RBM33: variants seen among roughly 807,000 people sequenced by gnomAD.
RBM33 encodes RNA-binding protein 33.
In RBM33, 28 loss-of-function variants were observed where a neutral mutation model predicts 132.6. That is an observed-to-expected ratio of 0.21 (90% CI 0.16 to 0.29). RBM33 has a LOEUF of 0.29. Ranked by LOEUF, RBM33 falls within the 10% of genes least tolerant of loss-of-function variation. RBM33 has a pLI of 1.00. For synonymous variants in RBM33, 634 were observed against 593.0 expected (o/e 1.07, Z -1.01); for missense variants, 1,291 against 1,518.5 (o/e 0.85, Z 2.49).
intron 14 of RBM33, 24 bp from the exon 15 acceptor site, chr7:155,763,788 G>A (rs1454155008): frequency 1.3e-5 from 21 of 1,593,474 alleles, no homozygotes; most frequent in Admixed American, 8.8e-5. Context: ...ACTGAACAAC[G>A]TGCTGCCTTC....
chr7:155,763,821 A>G lies in RBM33; in HGVS notation c.2989A>G (p.Ser997Gly), dbSNP rs1369967971. The change falls in exon 15 of 18, where the codon AGC becomes GGC. Residue 997 changes from serine (S) to glycine (G), a missense_variant. Transcript: ENST00000401878. ...TTCTTGGTTTCAGCAGGGAGGAGAG[A>G]GCGATGGCTTTTTTCACCCAGAAGG... The part of the protein sequence containing the change: ...VIKLSGGGGE[S>G]DGFFHPEGQP... 2.5e-6 allele frequency: 4 copies of G among 1,610,172 alleles called. No individual in the cohort carries two copies. The African/African-American group carries it at 5.3e-5, about 22-fold the overall frequency.
At chr7:155,676,767 A>G (rs1799195374) in intron 3 of RBM33, among the ~76,000 whole-genome samples, 1 of 152,192 alleles carries the variant, frequency 6.6e-6, no homozygotes, top group African/African-American at 2.4e-5. Flanking sequence ...TCAAGGATGT[A>G]GCCTAGCTCT....
chr7:155,699,501 C>T (rs1189258977), intron 5 of RBM33, among the ~76,000 whole-genome samples: 1 of 152,172 alleles, frequency 6.6e-6, no homozygotes, highest in Non-Finnish European at 1.5e-5. Flanking sequence ...ATTCTGATTT[C>T]AAACACTCAG....
At position 155,741,857 on chromosome 7, in the gene RBM33, G is replaced by A. The variant is rs1480660466; in HGVS notation, c.2088G>A (p.Gln696=). 6.2e-7 allele frequency: 1 copy of A among 1,613,464 alleles called. No individual in the cohort carries two copies. The highest frequency in any genetic ancestry group is 8.5e-7 in the Non-Finnish European group (1 of 1,179,510). The change falls in exon 13 of 18, where the codon CAG becomes CAA. Residue 696 remains glutamine, a synonymous_variant. Coordinates refer to ENST00000401878, the MANE Select transcript of RBM33 (RefSeq NM_053043.3). Reference sequence around the variant, plus strand: ...AGAATGTAAGCAAGCGGCCCATGCAGCAAATGCAGCCCACTGCGCCAAGGA... The same window carrying A: ...AGAATGTAAGCAAGCGGCCCATGCAACAAATGCAGCCCACTGCGCCAAGGA... The part of the protein sequence containing the change: ...TSQNVSKRPM[Q]QMQPTAPRNS...
intron 9 of RBM33, among the ~76,000 whole-genome samples, chr7:155,730,388 C>T (rs999331892): frequency 3.9e-5 from 6 of 152,200 alleles, no homozygotes; most frequent in South Asian, 2.1e-4. Flanking sequence ...AGCTATATAT[C>T]GTATTTACAG....
rs1416227541 is a variant in RBM33 at position 155,661,126 on chromosome 7, G to GTATATA, written c.44-4048_44-4047insATATAT. On this transcript the variant is annotated intron_variant, in intron 1 of 17. Coordinates refer to ENST00000401878, the MANE Select transcript of RBM33 (RefSeq NM_053043.3). The stretch of plus-strand genomic sequence containing the variant: ...TGTGTGTGTGTGTGTGTGTGTGTGT[G>GTATATA]TGTGTATATATATATATATATTTTT... Among the ~76,000 whole-genome samples, 64 of 59,012 alleles carry GTATATA rather than the reference G, an allele frequency of 1.1e-3. 1 individual carries two copies. The highest frequency in any genetic ancestry group is 3.0e-3 in the African/African-American group (50 of 16,612). 38.7% of individuals were successfully genotyped at this position (59,012 alleles called of 152,430 possible).
intron 2 of RBM33, among the ~76,000 whole-genome samples, chr7:155,668,270 A>G (rs1585413816): frequency 2.0e-5 from 3 of 152,214 alleles, no homozygotes; most frequent in East Asian, 3.8e-4. Context: ...TTGGGCGCAC[A>G]TGGTCATTGA....
chr7:155,723,885 A>G (rs76768707), intron 9 of RBM33, among the ~76,000 whole-genome samples: 4,857 of 152,270 alleles, frequency 0.032, 242 homozygotes, highest in African/African-American at 0.11. Context: ...GCAATCTCCT[A>G]TGCATACCAA....
chr7:155,699,098 G>A (rs1423337994), intron 5 of RBM33, among the ~76,000 whole-genome samples: 2 of 152,120 alleles, frequency 1.3e-5, no homozygotes, highest in African/African-American at 2.4e-5. Context: ...ATTAATTTCC[G>A]TGCTGTCTTG....
At chr7:155,748,301 A>C (rs1801583777) in intron 14 of RBM33, among the ~76,000 whole-genome samples, 2 of 152,218 alleles carry the variant, frequency 1.3e-5, no homozygotes, top group African/African-American at 4.8e-5. Context: ...ACTAAATCTA[A>C]TGCATTTAAT....
intron 13 of RBM33, among the ~76,000 whole-genome samples, chr7:155,743,708 T>C (rs1327336266): frequency 6.6e-6 from 1 of 152,190 alleles, no homozygotes; most frequent in African/African-American, 2.4e-5. Flanking sequence ...ATCTGCTTAT[T>C]TGGAGGTCTT....
In RBM33 at chr7:155,749,600, G is replaced by A. The variant is rs148150808; in HGVS notation, c.2979+3998G>A. ...GCTTAATGGGGGCTCCTAGGATAATGATGATGATGATGATGATGGTTAGGT... is the reference window on the plus strand; with the variant it reads ...GCTTAATGGGGGCTCCTAGGATAATAATGATGATGATGATGATGGTTAGGT... On this transcript the variant is annotated intron_variant, in intron 14 of 17. Coordinates refer to ENST00000401878, the MANE Select transcript of RBM33 (RefSeq NM_053043.3). Among the ~76,000 whole-genome samples, 626 of 151,920 alleles carry A rather than the reference G, an allele frequency of 4.1e-3. 7 individuals carry two copies. Among genetic ancestry groups the A allele is most frequent in the African/African-American group, 0.014 (593 of 41,490 alleles).
chr7:155,761,650 G>T (rs137964792), intron 14 of RBM33, among the ~76,000 whole-genome samples: 1 of 151,956 alleles, frequency 6.6e-6, no homozygotes, highest in Non-Finnish European at 1.5e-5. Context: ...CCTTATTTTG[G>T]TAATTCATCT....
chr7:155,716,185 G>A (rs954121105), intron 8 of RBM33, among the ~76,000 whole-genome samples: 2 of 152,168 alleles, frequency 1.3e-5, no homozygotes, highest in Non-Finnish European at 2.9e-5. Flanking sequence ...GGGAGAGCCC[G>A]CAGACACATG....
At chr7:155,668,680 A>C (rs186870041) in intron 2 of RBM33, among the ~76,000 whole-genome samples, 22 of 152,352 alleles carry the variant, frequency 1.4e-4, no homozygotes, top group African/African-American at 4.8e-5. Flanking sequence ...CATAGAAAAG[A>C]CAGGGTAAGT....
intron 5 of RBM33, among the ~76,000 whole-genome samples, chr7:155,691,674 G>A (rs1799646366): frequency 6.6e-6 from 1 of 152,164 alleles, no homozygotes; most frequent in Admixed American, 6.5e-5. Context: ...GGTGCCTTCT[G>A]GAAGTGCCTT....
intron 7 of RBM33, among the ~76,000 whole-genome samples, chr7:155,709,654 C>T (rs1224373447): frequency 6.6e-6 from 1 of 152,194 alleles, no homozygotes; most frequent in Non-Finnish European, 1.5e-5. Flanking sequence ...TGGTCACTCT[C>T]AGTTCAATTA....
chr7:155,667,190 AT>A (rs1312675029), intron 2 of RBM33, among the ~76,000 whole-genome samples: 2 of 152,220 alleles, frequency 1.3e-5, no homozygotes, highest in Non-Finnish European at 1.5e-5. Context: ...ACTTTCACTT[AT>A]ATAAATATTG....
chr7:155,694,845 A>G (rs1348020842), intron 5 of RBM33, among the ~76,000 whole-genome samples: 1 of 152,182 alleles, frequency 6.6e-6, no homozygotes, highest in East Asian at 1.9e-4. Context: ...GTTATTATGA[A>G]TAAAGCTACT....
Sources: allele counts gnomAD v4.1 joint callset (sites outside exome capture counted in the v4.1 genomes callset), GRCh38; gene constraint gnomAD v4.1.1; transcripts MANE v1.5; gene names NCBI Gene and HGNC (gene_info 2026-07-23, HGNC 2026-07-21).